The following NCALD variants were observed in gnomAD, a reference collection of about 807,000 sequenced individuals.
NCALD encodes the protein neurocalcin delta.
NCALD carries 10 observed loss-of-function variants against 18.6 expected under a neutral mutation model. That is an observed-to-expected ratio of 0.54 (90% CI 0.33 to 0.91). The LOEUF is 0.91. Ranked by LOEUF, NCALD falls within the 40% of genes least tolerant of loss-of-function variation. The pLI is 0.03. For missense variants in NCALD, 184 were observed against 247.6 expected, an observed-to-expected ratio of 0.74 and a Z score of 1.72; for synonymous variants, 88 against 87.4, an observed-to-expected ratio of 1.01 and a Z score of -0.04.
intron 1 of NCALD, among the ~76,000 whole-genome samples, chr8:102,067,004 T>C (rs1324214164): frequency 1.3e-5 from 2 of 152,174 alleles, no homozygotes; most frequent in Non-Finnish European, 2.9e-5. Flanking sequence ...TGGGTGAAAA[T>C]GGCCTGGTTC....
chr8:101,803,790 G>A (rs1812956264), intron 4 of NCALD, among the ~76,000 whole-genome samples: 1 of 152,168 alleles, frequency 6.6e-6, no homozygotes, highest in South Asian at 2.1e-4. Context: ...TCTACTTCTG[G>A]TGAAGATGCT....
At chr8:102,116,184 G>C (rs946584309) in intron 1 of NCALD, among the ~76,000 whole-genome samples, 6 of 152,108 alleles carry the variant, frequency 3.9e-5, no homozygotes, top group Non-Finnish European at 8.8e-5. Context: ...GTGCAGCACA[G>C]CAACATGGCA....
chr8:102,045,455 C>T (rs562773316), intron 1 of NCALD, among the ~76,000 whole-genome samples: 2 of 152,210 alleles, frequency 1.3e-5, no homozygotes, highest in East Asian at 3.9e-4. Flanking sequence ...TATTACATAA[C>T]TGAATTATAT....
intron 2 of NCALD, among the ~76,000 whole-genome samples, chr8:102,019,289 C>A (rs1822192921): frequency 6.6e-6 from 1 of 152,026 alleles, no homozygotes; most frequent in East Asian, 1.9e-4. Flanking sequence ...AATATGTGGA[C>A]TAATTAGAAC....
chr8:102,012,970 T>A (rs1053410835), intron 2 of NCALD, among the ~76,000 whole-genome samples: 9 of 152,150 alleles, frequency 5.9e-5, no homozygotes, highest in Non-Finnish European at 2.9e-5. Context: ...CAGATATTTT[T>A]ATATATACAC....
intron 1 of NCALD, among the ~76,000 whole-genome samples, chr8:101,758,366 C>A (rs569060840): frequency 2.0e-5 from 3 of 152,198 alleles, no homozygotes; most frequent in African/African-American, 7.2e-5. Context: ...ACTCATCCTG[C>A]CTGGATTCCC....
At chr8:101,730,661 T>C (rs1816789290) in intron 1 of NCALD, among the ~76,000 whole-genome samples, 1 of 152,210 alleles carries the variant, frequency 6.6e-6, no homozygotes, top group Admixed American at 6.5e-5. Context: ...CAATGGTTCA[T>C]AATGTGAGGC....
At chr8:102,049,934 G>A (rs988796031) in intron 1 of NCALD, among the ~76,000 whole-genome samples, 25 of 150,720 alleles carry the variant, frequency 1.7e-4, no homozygotes, top group African/African-American at 5.9e-4. Flanking sequence ...AGGCCGAGGC[G>A]GGTGGATCAT....
chr8:101,692,993 C>A, intron 2 of NCALD, 97 bp from the exon 3 acceptor site: 1 of 858,120 alleles, frequency 1.2e-6, no homozygotes, highest in South Asian at 1.4e-5. Flanking sequence ...AAGGGAATGT[C>A]CCCATCCGCA....
At chr8:102,054,258 C>T (rs1004743437) in intron 1 of NCALD, among the ~76,000 whole-genome samples, 1 of 152,058 alleles carries the variant, frequency 6.6e-6, no homozygotes, top group African/African-American at 2.4e-5. Flanking sequence ...TTGACGAAGC[C>T]ACCATACCCA....
At chr8:101,919,138 G>C (rs951419207) in intron 2 of NCALD, among the ~76,000 whole-genome samples, 2 of 152,092 alleles carry the variant, frequency 1.3e-5, no homozygotes, top group Non-Finnish European at 2.9e-5. Flanking sequence ...TATACTATAT[G>C]GCTATAGTCA....
Position 101,930,043 on chromosome 8 carries a change from A to C in NCALD, c.-156-14185T>G, listed in dbSNP as rs369649662. ...GCACTCCAGCCTGGGTGACAGAGTG[A>C]GACTCCATCTCAAAAAATAAAAAAC... On this transcript the variant is annotated intron_variant, in intron 2 of 6. Coordinates refer to the NCALD transcript ENST00000311028. Among the ~76,000 whole-genome samples, 139 of 152,282 alleles carry C rather than the reference A, an allele frequency of 9.1e-4. 1 individual carries two copies. Among genetic ancestry groups the C allele is most frequent in the African/African-American group, 3.2e-3 (134 of 41,548 alleles).
intron 1 of NCALD, among the ~76,000 whole-genome samples, chr8:101,726,739 T>C (rs1216183407): frequency 2.0e-5 from 3 of 152,098 alleles, no homozygotes; most frequent in Non-Finnish European, 2.9e-5. Context: ...AGTGAGGCGA[T>C]ATAAATTTGG....
At chr8:102,090,075 G>T (rs915626108) in intron 1 of NCALD, among the ~76,000 whole-genome samples, 1 of 152,136 alleles carries the variant, frequency 6.6e-6, no homozygotes, top group African/African-American at 2.4e-5. Context: ...TAATATAAAG[G>T]TGAAAATTGG....
intron 1 of NCALD, among the ~76,000 whole-genome samples, chr8:102,079,541 C>G (rs758253113): frequency 5.3e-5 from 8 of 151,412 alleles, no homozygotes; most frequent in African/African-American, 1.9e-4. Flanking sequence ...CACATGGCAG[C>G]CTTTGCTGTC....
chr8:101,728,611 A>G (rs28523870), intron 1 of NCALD, among the ~76,000 whole-genome samples: 77,774 of 151,958 alleles, frequency 0.51, 23,396 homozygotes, highest in African/African-American at 0.82. Flanking sequence ...ACGAGGTCAG[A>G]AGATCGAGAC....
intron 1 of NCALD, among the ~76,000 whole-genome samples, chr8:102,103,052 C>CAAAA (rs1479820990): frequency 2.6e-4 from 39 of 152,256 alleles, no homozygotes; most frequent in Admixed American, 2.4e-3. Flanking sequence ...TCCAGATATG[C>CAAAA]TTCTCTTGGG....
chr8:101,996,422 A>G (rs1350071659), intron 2 of NCALD, among the ~76,000 whole-genome samples: 1 of 152,254 alleles, frequency 6.6e-6, no homozygotes, highest in South Asian at 2.1e-4. Flanking sequence ...CAAGGTGAAG[A>G]AGCAAGTGGA....
At chr8:101,963,164 T>C (rs1211330121) in intron 2 of NCALD, among the ~76,000 whole-genome samples, 2 of 152,128 alleles carry the variant, frequency 1.3e-5, no homozygotes, top group Non-Finnish European at 2.9e-5. Context: ...TGAAAGACCC[T>C]CAAAAAGGAA....
Sources: allele counts gnomAD v4.1 joint callset (sites outside exome capture counted in the v4.1 genomes callset), GRCh38; gene constraint gnomAD v4.1.1; transcripts MANE v1.5; gene names NCBI Gene and HGNC (gene_info 2026-07-23, HGNC 2026-07-21).